SEC23A: variants seen among roughly 807,000 people sequenced by gnomAD.
SEC23A encodes SEC23 homolog A, COPII component.
In SEC23A, 56 loss-of-function variants were observed where a neutral mutation model predicts 103.7. That is an observed-to-expected ratio of 0.54 (90% CI 0.44 to 0.67). The LOEUF (loss-of-function observed/expected upper bound fraction) is 0.67, where lower values mean the gene tolerates loss of function less well. Ranked by LOEUF, SEC23A falls within the 30% of genes least tolerant of loss-of-function variation. The probability of loss-of-function intolerance (pLI) is 0.00; values close to 1 mark genes in which losing one functional copy is unlikely to be tolerated. For synonymous variants in SEC23A, 281 were observed against 293.0 expected (o/e 0.96, Z 0.42); for missense variants, 784 against 936.4 (o/e 0.84, Z 2.12).
At chr14:39,097,576 G>C (rs1887931021) in intron 1 of SEC23A, among the ~76,000 whole-genome samples, 1 of 152,178 alleles carries the variant, frequency 6.6e-6, no homozygotes, top group South Asian at 2.1e-4. Flanking sequence ...ACAAATGGCA[G>C]AAAGTGAAGC....
chr14:39,083,707 C>G (rs904361477), intron 7 of SEC23A, among the ~76,000 whole-genome samples: 3 of 151,490 alleles, frequency 2.0e-5, no homozygotes, highest in African/African-American at 4.9e-5. Flanking sequence ...GGACTACAGG[C>G]GCCTGCCACC....
At chr14:39,082,001 C>T (rs565683085) in intron 7 of SEC23A, among the ~76,000 whole-genome samples, 59 of 152,148 alleles carry the variant, frequency 3.9e-4, no homozygotes, top group African/African-American at 1.1e-3. Context: ...GGTTTCATTT[C>T]AGGTCCAGAG....
At chr14:39,094,891 C>T in intron 2 of SEC23A, 1 of 645,944 alleles carries the variant, frequency 1.5e-6, no homozygotes, top group South Asian at 1.8e-5. Context: ...CTAGATCATA[C>T]AAGGCTTTAT....
At chr14:39,053,764 G>A (rs1278261047) in intron 14 of SEC23A, among the ~76,000 whole-genome samples, 1 of 152,158 alleles carries the variant, frequency 6.6e-6, no homozygotes, top group Non-Finnish European at 1.5e-5. Flanking sequence ...TCAAAAGGGT[G>A]TTTAAGCTAG....
chr14:39,072,226 T>C (rs1194446870), intron 9 of SEC23A, among the ~76,000 whole-genome samples: 2 of 150,360 alleles, frequency 1.3e-5, no homozygotes, highest in South Asian at 2.1e-4. Flanking sequence ...AGTGAGACTC[T>C]GTCTCAAAAA....
At chr14:39,061,645 C>T in intron 13 of SEC23A, 120 bp downstream of exon 13, 1 of 731,000 alleles carries the variant, frequency 1.4e-6, no homozygotes, top group Non-Finnish European at 2.5e-6. Context: ...AAATAAAATA[C>T]TATTAGTCAC....
intron 15 of SEC23A, among the ~76,000 whole-genome samples, chr14:39,047,984 T>C (rs1413426850): frequency 6.6e-6 from 1 of 152,248 alleles, no homozygotes; most frequent in Non-Finnish European, 1.5e-5. Context: ...CAGGTGATGA[T>C]ACCATACTGC....
At chr14:39,099,268 C>T (rs1331787045) in intron 1 of SEC23A, among the ~76,000 whole-genome samples, 2 of 151,632 alleles carry the variant, frequency 1.3e-5, no homozygotes, top group African/African-American at 4.9e-5. Flanking sequence ...AAGCGATTCC[C>T]CTGCCTCAGC....
At chr14:39,084,912 C>G (rs1887375749) in intron 7 of SEC23A, among the ~76,000 whole-genome samples, 1 of 152,204 alleles carries the variant, frequency 6.6e-6, no homozygotes, top group South Asian at 2.1e-4. Context: ...CTCAGGTGAT[C>G]TGCCCACCTC....
intron 9 of SEC23A, 108 bp from the exon 10 acceptor site, chr14:39,067,404 T>C: frequency 1.6e-6 from 2 of 1,241,460 alleles, no homozygotes; most frequent in South Asian, 1.3e-5. Flanking sequence ...ATTTTAAAGA[T>C]ATTTCCCAAA....
chr14:39,096,467 T>C (rs1158503620), intron 1 of SEC23A, among the ~76,000 whole-genome samples: 2 of 151,904 alleles, frequency 1.3e-5, no homozygotes, highest in Admixed American at 6.6e-5. Context: ...GAGGCAAAGT[T>C]TGTGGTGAGC....
intron 19 of SEC23A, among the ~76,000 whole-genome samples, chr14:39,037,983 A>T (rs1885514816): frequency 6.6e-6 from 1 of 152,148 alleles, no homozygotes; most frequent in Non-Finnish European, 1.5e-5. Flanking sequence ...AACTATACTA[A>T]GACTCAAATC....
intron 13 of SEC23A, among the ~76,000 whole-genome samples, chr14:39,061,160 T>C (rs1886459964): frequency 6.6e-6 from 1 of 152,182 alleles, no homozygotes. Flanking sequence ...TTATTGTATT[T>C]AATAAAAGCA....
At chr14:39,092,393 C>T in intron 4 of SEC23A, 148 bp downstream of exon 4, 2 of 616,360 alleles carry the variant, frequency 3.2e-6, no homozygotes, top group South Asian at 4.1e-5. Context: ...TTACCCTGCT[C>T]AAACTGACCT....
chr14:39,062,890 T>C (rs1248930400), intron 12 of SEC23A, among the ~76,000 whole-genome samples: 1 of 152,182 alleles, frequency 6.6e-6, no homozygotes, highest in East Asian at 1.9e-4. Context: ...ACGATTACTT[T>C]CCAAACTTTT....
At chr14:39,079,836 T>A (rs1887161338) in intron 7 of SEC23A, among the ~76,000 whole-genome samples, 1 of 151,612 alleles carries the variant, frequency 6.6e-6, no homozygotes, top group African/African-American at 2.4e-5. Context: ...AATAAATAAA[T>A]AAAATAAAAT....
At chr14:39,049,346 C>A (rs566139394) in intron 14 of SEC23A, among the ~76,000 whole-genome samples, 5 of 151,704 alleles carry the variant, frequency 3.3e-5, no homozygotes, top group African/African-American at 7.3e-5. Flanking sequence ...CATGGTGGTG[C>A]GCGCCTGTAA....
intron 17 of SEC23A, 21 bp from the exon 18 acceptor site, chr14:39,040,908 G>T (rs1476411685): frequency 3.8e-6 from 6 of 1,594,540 alleles, no homozygotes; most frequent in Non-Finnish European, 5.1e-6. Context: ...AACAATTAAA[G>T]AAATTACTTT....
chr14:39,051,988 C>T (rs1886078801), intron 14 of SEC23A, among the ~76,000 whole-genome samples: 1 of 150,836 alleles, frequency 6.6e-6, no homozygotes, highest in Non-Finnish European at 1.5e-5. Flanking sequence ...AAAATGGAAC[C>T]AGATCATGTC....
Sources: allele counts gnomAD v4.1 joint callset (sites outside exome capture counted in the v4.1 genomes callset), GRCh38; gene constraint gnomAD v4.1.1; transcripts MANE v1.5; gene names NCBI Gene and HGNC (gene_info 2026-07-23, HGNC 2026-07-21).